Variants in TM2D3 observed in about 807,000 individuals in gnomAD.
TM2D3 encodes the protein TM2 domain containing 3.
TM2D3 carries 33 observed loss-of-function variants against 27.3 expected under a neutral mutation model. The ratio of observed to expected loss-of-function variants is 1.21; its 90% CI spans 0.92 to 1.61. The LOEUF (loss-of-function observed/expected upper bound fraction) is 1.61. Ranked by LOEUF, TM2D3 falls within the 40% of genes most tolerant of loss-of-function variation. The pLI, the probability that TM2D3 is intolerant of heterozygous loss-of-function variation, is 0.00. For missense variants in TM2D3, 364 were observed against 320.8 expected (o/e 1.13, Z -1.03); for synonymous variants, 138 against 122.2 (o/e 1.13, Z -0.85).
chr15:101,646,426 C>G, intron 4 of TM2D3: 1 of 353,554 alleles, frequency 2.8e-6, no homozygotes, highest in Non-Finnish European at 5.2e-6. Context: ...CTCAGGCGGC[C>G]GCAATGGTAT....
intron 4 of TM2D3, chr15:101,646,100 C>A (rs1896798603): frequency 1.3e-5 from 2 of 152,338 alleles, no homozygotes; most frequent in African/African-American, 4.8e-5. Flanking sequence ...GAAAACAGCA[C>A]TTAACCAAAT....
At chr15:101,643,731 GTA>G in intron 5 of TM2D3, among the ~76,000 whole-genome samples, 1 of 151,692 alleles carries the variant, frequency 6.6e-6, no homozygotes, top group South Asian at 2.1e-4. Flanking sequence ...CAGGTTAGGG[GTA>G]TATAAGAACT....
intron 1 of TM2D3, 151 bp downstream of exon 1, chr15:101,652,120 C>T: frequency 1.4e-6 from 1 of 724,964 alleles, no homozygotes; most frequent in Non-Finnish European, 2.2e-6. Flanking sequence ...GCCAGGGCGC[C>T]AGACTCCAGA....
At chr15:101,648,192 C>G (rs1006564774) in intron 3 of TM2D3, 1 of 151,778 alleles carries the variant, frequency 6.6e-6, no homozygotes, top group South Asian at 2.1e-4. Context: ...CCACCACGCC[C>G]GGCCCATGTT....
chr15:101,652,094 G>C (rs1337089870), intron 1 of TM2D3, 177 bp downstream of exon 1: 11 of 587,944 alleles, frequency 1.9e-5, no homozygotes, highest in Non-Finnish European at 2.8e-5. Context: ...GCGGAGGGGC[G>C]GCCTCGGGCC....
At chr15:101,651,939 G>T in intron 1 of TM2D3, 166 bp from the exon 2 acceptor site, 1 of 701,712 alleles carries the variant, frequency 1.4e-6, no homozygotes, top group Admixed American at 2.5e-5. Context: ...AACGTCAACA[G>T]AGTAGACATC....
At chr15:101,640,845 GCCT>G (rs1383001170), downstream of TM2D3, among the ~76,000 whole-genome samples, 2 of 152,164 alleles carry the variant, frequency 1.3e-5, no homozygotes, top group African/African-American at 2.4e-5. Context: ...GTTCATTTAT[GCCT>G]CCTTTCATGG....
downstream of TM2D3, chr15:101,637,020 G>A (rs1437713609): frequency 3.7e-6 from 1 of 272,630 alleles, no homozygotes; most frequent in South Asian, 3.0e-5. Flanking sequence ...TGCCCGGTGT[G>A]GTCCGGCTAC....
At chr15:101,645,802 T>C (rs1374690692) in intron 4 of TM2D3, 1 of 135,462 alleles carries the variant, frequency 7.4e-6, no homozygotes, top group Non-Finnish European at 1.6e-5. Context: ...CATGAAAATA[T>C]ACAATAATGC....
rs1403247464 is a variant in TM2D3, at chr15:101,646,812, T to C, written c.415A>G (p.Thr139Ala). The change falls in exon 4 of 6, where the codon ACC becomes GCC. Residue 139 changes from threonine (T) to alanine (A), a missense_variant. Coordinates refer to ENST00000333202, the MANE Select transcript of TM2D3 (RefSeq NM_078474.3). ...ACCGTCATGCAGCTGGTGGAGTTGG[T>C]ACACTCGTAATCTGTTTCAGGAAGC... ...WQLPETDYEC[T>A]NSTSCMTVSC... 6.2e-7 allele frequency: 1 copy of C among 1,614,222 alleles called. No individual in the cohort carries two copies. The highest frequency in any genetic ancestry group is 8.5e-7 in the Non-Finnish European group (1 of 1,180,028).
intron 4 of TM2D3, chr15:101,646,278 A>C: frequency 5.9e-6 from 1 of 168,578 alleles, no homozygotes; most frequent in South Asian, 1.3e-4. Context: ...TAAAACATGC[A>C]TTATTGAATA....
At position 101,643,330 on chromosome 15, in the gene TM2D3, C is replaced by T. The variant is rs1896716018; in HGVS notation, c.579-686G>A. ...TTAAAAGAAACCATGTTGCCGGGCG[C>T]GGTGGCTCACGCCTGTCATCCCAGC... On this transcript the variant is annotated intron_variant, in intron 5 of 5. Transcript: ENST00000333202. Among the ~76,000 whole-genome samples, 3 of 152,022 alleles carry T rather than the reference C, an allele frequency of 2.0e-5. No homozygotes were observed. In the South Asian group the frequency reaches 6.2e-4, roughly 31 times the overall value.
At position 101,642,565 on chromosome 15, in the gene TM2D3, CG is replaced by C. The variant is rs963492687; in HGVS notation, c.657del (p.Phe219LeufsTer9). 2 of 1,612,984 alleles carry C rather than the reference CG, an allele frequency of 1.2e-6. No homozygotes were observed. The highest frequency in any genetic ancestry group is 1.7e-6 in the Non-Finnish European group (2 of 1,179,766). ...WREGLGKLFS[F>X]GGLGIWTLID... ...ATCAGCGTCCATATTCCCAGGCCACCGAAGCTGAAGAGCTTGCCGAGGCCTT... is the reference window on the plus strand; with the variant it reads ...ATCAGCGTCCATATTCCCAGGCCACCAAGCTGAAGAGCTTGCCGAGGCCTT... On this transcript the variant is annotated frameshift_variant, in exon 6 of 6. Transcript: ENST00000333202. LOFTEE classifies it high-confidence loss of function.
chr15:101,650,327 G>A, intron 2 of TM2D3, 166 bp from the exon 3 acceptor site: 1 of 609,478 alleles, frequency 1.6e-6, no homozygotes. Context: ...GCAGAATTCT[G>A]CCCACGGCCA....
At chr15:101,649,901 T>C in intron 3 of TM2D3, 103 bp downstream of exon 3, 16 of 1,145,834 alleles carry the variant, frequency 1.4e-5, no homozygotes, top group Non-Finnish European at 1.7e-5. Context: ...TAAAAGAATA[T>C]AAAAATTCTT....
At chr15:101,644,959 T>C (rs1328055827) in intron 5 of TM2D3, 128 bp downstream of exon 5, 2 of 804,616 alleles carry the variant, frequency 2.5e-6, no homozygotes, top group African/African-American at 1.8e-5. Context: ...TCCAGCTGTT[T>C]GCTAGAGTCT....
chr15:101,643,592 A>G, intron 5 of TM2D3, among the ~76,000 whole-genome samples: 1 of 113,896 alleles, frequency 8.8e-6, no homozygotes. Flanking sequence ...ACAGAGAGAG[A>G]CTCCGTTAAA....
At chr15:101,637,628 A>C (rs74817739), downstream of TM2D3, among the ~76,000 whole-genome samples, 7,407 of 152,276 alleles carry the variant, frequency 0.049, 199 homozygotes, top group African/African-American at 0.062. Flanking sequence ...GAGGGAAAAA[A>C]GGTCAGAGTT....
chr15:101,642,813 C>T (rs1488218071), intron 5 of TM2D3, among the ~76,000 whole-genome samples, 169 bp from the exon 6 acceptor site: 2 of 152,162 alleles, frequency 1.3e-5, no homozygotes, highest in African/African-American at 4.8e-5. Context: ...CAAATAATTA[C>T]GGGCAGGAAG....
Sources: allele counts gnomAD v4.1 joint callset (sites outside exome capture counted in the v4.1 genomes callset), GRCh38; gene constraint gnomAD v4.1.1; transcripts MANE v1.5; gene names NCBI Gene and HGNC (gene_info 2026-07-23, HGNC 2026-07-21).